The following GPC6 variants were observed in gnomAD, a reference collection of about 807,000 sequenced individuals.
GPC6 encodes the protein glypican 6, also known as glypican-6.
GPC6 carries 14 observed loss-of-function variants against 55.2 expected under a neutral mutation model. The ratio of observed to expected loss-of-function variants is 0.25; its 90% CI spans 0.17 to 0.40. The LOEUF (loss-of-function observed/expected upper bound fraction) is 0.40, where lower values mean the gene tolerates loss of function less well. Among genes scored for constraint, GPC6 ranks in the 10% least tolerant of loss-of-function variants. The pLI, the probability that GPC6 is intolerant of heterozygous loss-of-function variation, is 1.00. For synonymous variants in GPC6, 278 were observed against 259.6 expected (o/e 1.07, Z -0.68); for missense variants, 641 against 708.5 (o/e 0.90, Z 1.08).
intron 2 of GPC6, among the ~76,000 whole-genome samples, chr13:93,668,308 G>A (rs1594356740): frequency 6.6e-6 from 1 of 152,210 alleles, no homozygotes. Flanking sequence ...CTTTAATTGT[G>A]TAAAAAGTTG....
intron 3 of GPC6, among the ~76,000 whole-genome samples, chr13:94,004,408 C>T (rs1881930117): frequency 6.6e-6 from 1 of 151,976 alleles, no homozygotes; most frequent in Non-Finnish European, 1.5e-5. Context: ...GGCACCACTC[C>T]AGTGCAACCC....
chr13:94,318,753 G>A (rs1304529767), intron 6 of GPC6, among the ~76,000 whole-genome samples: 1 of 152,248 alleles, frequency 6.6e-6, no homozygotes, highest in African/African-American at 2.4e-5. Context: ...AGAAACAAAT[G>A]TTTATGGATG....
chr13:94,076,103 C>T (rs1379505951), intron 4 of GPC6, among the ~76,000 whole-genome samples: 1 of 151,570 alleles, frequency 6.6e-6, no homozygotes, highest in East Asian at 1.9e-4. Flanking sequence ...TCCAGTTTCT[C>T]CACATCCTAC....
chr13:93,741,814 A>G (rs1884212590), intron 2 of GPC6, among the ~76,000 whole-genome samples: 1 of 152,196 alleles, frequency 6.6e-6, no homozygotes, highest in Non-Finnish European at 1.5e-5. Flanking sequence ...ATTAGTCTTT[A>G]TACACATCCC....
intron 2 of GPC6, among the ~76,000 whole-genome samples, chr13:93,805,824 T>TC (rs1886528104): frequency 6.6e-6 from 1 of 152,178 alleles, no homozygotes; most frequent in Non-Finnish European, 1.5e-5. Context: ...CCTCATTTGT[T>TC]CCCCTTTTAT....
chr13:93,972,348 T>C (rs1880322602), intron 3 of GPC6, among the ~76,000 whole-genome samples: 1 of 152,164 alleles, frequency 6.6e-6, no homozygotes, highest in African/African-American at 2.4e-5. Flanking sequence ...CTTGCATATA[T>C]AGATTTTTCA....
At chr13:94,119,295 C>T (rs1337352528) in intron 4 of GPC6, among the ~76,000 whole-genome samples, 1 of 151,942 alleles carries the variant, frequency 6.6e-6, no homozygotes, top group African/African-American at 2.4e-5. Flanking sequence ...TGCAGTATGT[C>T]AGTTGGTGAT....
chr13:94,194,020 A>G (rs1167788512), intron 4 of GPC6, among the ~76,000 whole-genome samples: 1 of 152,216 alleles, frequency 6.6e-6, no homozygotes, highest in Admixed American at 6.5e-5. Context: ...AATGACAAGT[A>G]TGATTACTTT....
chr13:93,628,638 A>G (rs1367170800), intron 2 of GPC6, among the ~76,000 whole-genome samples: 1 of 152,128 alleles, frequency 6.6e-6, no homozygotes, highest in Non-Finnish European at 1.5e-5. Flanking sequence ...AGCTAAGTGA[A>G]GTATTATGGC....
At chr13:93,688,086 A>G (rs908669422) in intron 2 of GPC6, among the ~76,000 whole-genome samples, 4 of 152,050 alleles carry the variant, frequency 2.6e-5, no homozygotes, top group African/African-American at 7.2e-5. Context: ...TGGATTCCCA[A>G]TTCATTCTTT....
intron 4 of GPC6, among the ~76,000 whole-genome samples, chr13:94,061,608 A>C (rs1028030402): frequency 6.6e-6 from 1 of 151,848 alleles, no homozygotes; most frequent in Non-Finnish European, 1.5e-5. Flanking sequence ...GCAAGGCTGA[A>C]ATTCCTCACC....
In GPC6 at chr13:93,654,382, C is replaced by G. The variant is rs1311588911; in HGVS notation, c.319+108961C>G. ...TCACTCTGTTGCCCAGGCTGGAGTG[C>G]AGTGGCGTGATCTCAGCTCACTGCA... is the stretch of plus-strand genomic sequence containing the variant. On this transcript the variant is annotated intron_variant, in intron 2 of 8. Coordinates refer to ENST00000377047, the MANE Select transcript of GPC6 (RefSeq NM_005708.5). Among the ~76,000 whole-genome samples, 7 of 152,194 alleles carry G rather than the reference C, an allele frequency of 4.6e-5. No homozygotes were observed. In the East Asian group the frequency reaches 1.4e-3, roughly 29 times the overall value.
At chr13:94,110,402 A>G (rs944203091) in intron 4 of GPC6, among the ~76,000 whole-genome samples, 2 of 152,100 alleles carry the variant, frequency 1.3e-5, no homozygotes, top group Non-Finnish European at 2.9e-5. Flanking sequence ...CTATCTGCCT[A>G]TTATAGTAAG....
intron 6 of GPC6, among the ~76,000 whole-genome samples, chr13:94,367,196 AT>A (rs1229287593): frequency 2.0e-5 from 3 of 152,228 alleles, no homozygotes; most frequent in Admixed American, 6.5e-5. Context: ...AAATTCCATA[AT>A]TCAGCAATAA....
intron 4 of GPC6, among the ~76,000 whole-genome samples, chr13:94,150,082 C>T (rs1182374780): frequency 6.6e-6 from 1 of 152,066 alleles, no homozygotes; most frequent in Non-Finnish European, 1.5e-5. Context: ...CAACCAAGCC[C>T]TTCTTGGTGC....
chr13:94,036,766 T>C (rs886219257), intron 4 of GPC6, among the ~76,000 whole-genome samples: 13 of 147,226 alleles, frequency 8.8e-5, no homozygotes, highest in African/African-American at 2.9e-4. Context: ...TTCGGATTGT[T>C]TCACACCAGC....
intron 6 of GPC6, among the ~76,000 whole-genome samples, chr13:94,364,055 A>C (rs1463945465): frequency 6.6e-6 from 1 of 152,230 alleles, no homozygotes; most frequent in Non-Finnish European, 1.5e-5. Flanking sequence ...GCAACTAGAA[A>C]ATTTAAAATT....
chr13:94,324,984 C>T (rs748377346), intron 6 of GPC6, among the ~76,000 whole-genome samples: 3 of 152,100 alleles, frequency 2.0e-5, no homozygotes, highest in South Asian at 2.1e-4. Flanking sequence ...AGGGGCCTAA[C>T]GTTAGAATCC....
At chr13:94,279,033 C>G (rs1892294404) in intron 4 of GPC6, among the ~76,000 whole-genome samples, 1 of 152,096 alleles carries the variant, frequency 6.6e-6, no homozygotes, top group African/African-American at 2.4e-5. Context: ...CTTTGTACCT[C>G]TGGTAGAATT....
Sources: gnomAD v4.1 joint callset for allele counts (sites outside exome capture counted in the v4.1 genomes callset) on GRCh38, gnomAD v4.1.1 for gene constraint, MANE v1.5 for transcripts, NCBI Gene and HGNC (gene_info 2026-07-23, HGNC 2026-07-21) for gene names.